The following TMEM192 variants were observed in gnomAD, a reference collection of about 807,000 sequenced individuals.
TMEM192 encodes transmembrane protein 192.
TMEM192 carries 20 observed loss-of-function variants against 26.7 expected under a neutral mutation model. The observed-to-expected ratio is 0.75, with a 90% CI of 0.53 to 1.09. The LOEUF (loss-of-function observed/expected upper bound fraction) is 1.09. Ranked by LOEUF, TMEM192 falls within the 50% of genes least tolerant of loss-of-function variation. The pLI, the probability that TMEM192 is intolerant of heterozygous loss-of-function variation, is 0.00. For synonymous variants in TMEM192, 124 were observed against 121.0 expected (o/e 1.02, Z -0.16); for missense variants, 304 against 322.6 (o/e 0.94, Z 0.44).
At position 165,108,112 on chromosome 4, in the gene TMEM192, C is replaced by CT. The variant is rs755013001; in HGVS notation, c.27+4634dup. Among the ~76,000 whole-genome samples, 36 of 91,198 alleles carry CT rather than the reference C, an allele frequency of 3.9e-4. 3 individuals are homozygous for CT. Among genetic ancestry groups the CT allele is most frequent in the African/African-American group, 1.7e-3 (32 of 19,168 alleles). 59.8% of individuals were successfully genotyped at this position (91,198 alleles called of 152,430 possible). On this transcript the variant is annotated intron_variant, in intron 1 of 5. Coordinates refer to ENST00000306480, the MANE Select transcript of TMEM192 (RefSeq NM_001100389.2). ...GGGTGCTGGGTATTTTCTGTATTCCCTTTTTTTTTTTTTTTTTTTTTTTTT... is the reference window on the plus strand; with the variant it reads ...GGGTGCTGGGTATTTTCTGTATTCCCTTTTTTTTTTTTTTTTTTTTTTTTTT...
At chr4:165,086,825 C>A (rs1321166521) in intron 4 of TMEM192, among the ~76,000 whole-genome samples, 1 of 151,676 alleles carries the variant, frequency 6.6e-6, no homozygotes, top group Non-Finnish European at 1.5e-5. Flanking sequence ...TCAAGGAGAA[C>A]CTTTCAGGCT....
rs1353495563 is a variant in TMEM192 at position 165,100,784 on chromosome 4, C to G, written c.283G>C (p.Val95Leu). 4.3e-6 allele frequency: 7 copies of G among 1,613,940 alleles called. No homozygotes were observed. The African/African-American group carries it at 9.3e-5, about 22-fold the overall frequency. The change falls in exon 3 of 6, where the codon GTT becomes CTT. Residue 95 changes from valine to leucine, a missense_variant. Val to Leu is a conservative substitution (Grantham distance 32, BLOSUM62 1). Coordinates refer to ENST00000306480, the MANE Select transcript of TMEM192 (RefSeq NM_001100389.2). ...AAAATAACTTTCCCAAGGATTATAACCGTCTGAACTTTCAATGGGTTTGTG... is the reference window on the plus strand; with the variant it reads ...AAAATAACTTTCCCAAGGATTATAAGCGTCTGAACTTTCAATGGGTTTGTG... Reference protein sequence around the residue: ...NYTNPLKVQTVIILGKVILWI... With the variant: ...NYTNPLKVQTLIILGKVILWI...
Position 165,107,358 on chromosome 4 carries a change from A to C in TMEM192, c.28-4262T>G, listed in dbSNP as rs1735187310. On this transcript the variant is annotated intron_variant, in intron 1 of 5. Coordinates refer to ENST00000306480, the MANE Select transcript of TMEM192 (RefSeq NM_001100389.2). ...AACAAAAACAAAAACAAAAAAAAAA[A>C]CAGGGTCTCACTCTGTCACCCAGGC... 2.0e-5 allele frequency among the ~76,000 whole-genome samples: 3 copies of C among 150,320 alleles called. No homozygotes were observed. The South Asian group carries it at 6.3e-4, about 32-fold the overall frequency.
chr4:165,076,295 C>T lies in TMEM192; in HGVS notation c.*3363G>A, dbSNP rs1560922776. ...TTCAGGGCCATATCTTTCTGCCACA[C>T]ATATTTCCTCCATATTGAACTACCA... On this transcript the variant is annotated 3_prime_UTR_variant, in exon 6 of 6. Coordinates refer to ENST00000306480, the MANE Select transcript of TMEM192 (RefSeq NM_001100389.2). The T allele has an allele frequency of 6.6e-6, 1 of 152,144 alleles. No homozygotes were observed. The highest frequency in any genetic ancestry group is 2.4e-5 in the African/African-American group (1 of 41,416). The allele number at this position is 152,144 out of a possible 1,614,324, so 9.4% of individuals were successfully genotyped here. A position where few individuals can be genotyped will look rare whatever the true frequency, so the allele number is the denominator to read the frequency against.
intron 1 of TMEM192, among the ~76,000 whole-genome samples, chr4:165,107,428 C>T (rs1160260085): frequency 2.6e-5 from 4 of 152,192 alleles, no homozygotes; most frequent in Admixed American, 6.5e-5. Flanking sequence ...CCTCCGTGCC[C>T]CCCTCCCCAG....
At position 165,071,281 on chromosome 4, in the gene TMEM192, AGTG is replaced by A. The variant is rs1395207456; in HGVS notation, c.*8374_*8376del. ...CCCAGCTACTCAGGAGGCTGACTGA[AGTG>A]GGAGGATTTTTTTTTTTTGGGGGGG... On this transcript the variant is annotated 3_prime_UTR_variant, in exon 6 of 6. Transcript: ENST00000306480. 12 of 151,568 alleles carry A rather than the reference AGTG, an allele frequency of 7.9e-5. No individual in the cohort carries two copies. Among genetic ancestry groups the A allele is most frequent in the African/African-American group, 2.9e-4 (12 of 41,254 alleles). The allele number at this position is 151,568 out of a possible 1,614,324, so 9.4% of individuals were successfully genotyped here. A position where few individuals can be genotyped will look rare whatever the true frequency, so the allele number is the denominator to read the frequency against.
intron 3 of TMEM192, among the ~76,000 whole-genome samples, chr4:165,097,057 G>T (rs946766587): frequency 1.3e-5 from 2 of 152,016 alleles, no homozygotes; most frequent in African/African-American, 4.8e-5. Flanking sequence ...TCTCACAAGA[G>T]GCAGGGAGCA....
chr4:165,109,748 C>G (rs1247624674), intron 1 of TMEM192, among the ~76,000 whole-genome samples: 2 of 152,222 alleles, frequency 1.3e-5, no homozygotes, highest in African/African-American at 4.8e-5. Context: ...ATGTCACTTT[C>G]ATGCACCTTC....
rs1734374529 is a variant in TMEM192 at position 165,076,121 on chromosome 4, C to A, written c.*3537G>T. ...TTTTGCTTTATATTTTTCCATATTG[C>A]CATTTTTTAAAAAATGAGCTTTTAA... On this transcript the variant is annotated 3_prime_UTR_variant, in exon 6 of 6. Coordinates refer to ENST00000306480, the MANE Select transcript of TMEM192 (RefSeq NM_001100389.2). The A allele has an allele frequency of 6.6e-6, 1 of 151,804 alleles. No individual in the cohort carries two copies. Among genetic ancestry groups the A allele is most frequent in the South Asian group, 2.1e-4 (1 of 4,812 alleles). The allele number at this position is 151,804 out of a possible 1,614,324, so 9.4% of individuals were successfully genotyped here. A position where few individuals can be genotyped will look rare whatever the true frequency, so the allele number is the denominator to read the frequency against.
intron 3 of TMEM192, among the ~76,000 whole-genome samples, chr4:165,092,364 C>T (rs778903152): frequency 3.3e-5 from 5 of 151,986 alleles, no homozygotes; most frequent in Non-Finnish European, 7.4e-5. Flanking sequence ...GCAAGTGATC[C>T]GCGAGCCTCG....
chr4:165,089,825 A>G (rs1734712399), intron 3 of TMEM192, among the ~76,000 whole-genome samples: 1 of 152,164 alleles, frequency 6.6e-6, no homozygotes, highest in Non-Finnish European at 1.5e-5. Flanking sequence ...CAGCATGCCA[A>G]AGCCCTGCAC....
At chr4:165,085,710 T>C in intron 4 of TMEM192, 22 bp from the exon 5 acceptor site, 1 of 1,500,974 alleles carries the variant, frequency 6.7e-7, no homozygotes, top group Non-Finnish European at 9.1e-7. Context: ...AAGTCATTAT[T>C]AGATCGAATT....
At chr4:165,093,514 T>C (rs1734819742) in intron 3 of TMEM192, among the ~76,000 whole-genome samples, 1 of 152,176 alleles carries the variant, frequency 6.6e-6, no homozygotes, top group South Asian at 2.1e-4. Flanking sequence ...TACTAGCAAG[T>C]TTGCAGTCTG....
At chr4:165,105,218 C>T (rs1335173563) in intron 1 of TMEM192, among the ~76,000 whole-genome samples, 1 of 152,210 alleles carries the variant, frequency 6.6e-6, no homozygotes, top group African/African-American at 2.4e-5. Context: ...AACACTATCT[C>T]ATGGTTGTCA....
At position 165,075,294 on chromosome 4, in the gene TMEM192, G is replaced by C. The variant is rs1476571678; in HGVS notation, c.*4364C>G. 1 of 151,210 alleles carries C rather than the reference G, an allele frequency of 6.6e-6. No homozygotes were observed. Among genetic ancestry groups the C allele is most frequent in the Non-Finnish European group, 1.5e-5 (1 of 67,824 alleles). The allele number at this position is 151,210 out of a possible 1,614,324, so 9.4% of individuals were successfully genotyped here. ...CTCGCTCTGCTCTGTCGCCAGGCTG[G>C]AGTGCAGTGGCACCATCTTGGTTCA... On this transcript the variant is annotated 3_prime_UTR_variant, in exon 6 of 6. Transcript: ENST00000306480.
At position 165,071,724 on chromosome 4, in the gene TMEM192, G is replaced by A. The variant is rs1331433853; in HGVS notation, c.*7934C>T. 3.3e-5 allele frequency: 5 copies of A among 152,342 alleles called. No homozygotes were observed. Among genetic ancestry groups the A allele is most frequent in the Middle Eastern group, 3.4e-3 (1 of 296 alleles). The allele number at this position is 152,342 out of a possible 1,614,324, so 9.4% of individuals were successfully genotyped here. A position where few individuals can be genotyped will look rare whatever the true frequency, so the allele number is the denominator to read the frequency against. On this transcript the variant is annotated 3_prime_UTR_variant, in exon 6 of 6. Coordinates refer to ENST00000306480, the MANE Select transcript of TMEM192 (RefSeq NM_001100389.2). ...ATCCAAAAGCCACAGTGTGACCGACGCAGGGTACACAAAGGAAGAGTAGGA... is the reference window on the plus strand; with the variant it reads ...ATCCAAAAGCCACAGTGTGACCGACACAGGGTACACAAAGGAAGAGTAGGA...
intron 5 of TMEM192, 135 bp downstream of exon 5, chr4:165,085,451 C>T (rs975770169): frequency 1.6e-6 from 1 of 641,700 alleles, no homozygotes; most frequent in African/African-American, 1.8e-5. Flanking sequence ...CTTGATTTCA[C>T]CACAGCTGAA....
intron 5 of TMEM192, among the ~76,000 whole-genome samples, chr4:165,084,111 G>A (rs1047737061): frequency 7.3e-5 from 11 of 151,584 alleles, no homozygotes; most frequent in Admixed American, 4.0e-4. Context: ...ATGAGCCACC[G>A]CGCCCAGTCA....
intron 5 of TMEM192, among the ~76,000 whole-genome samples, chr4:165,084,596 CA>C (rs1446666058): frequency 6.6e-6 from 1 of 151,774 alleles, no homozygotes; most frequent in African/African-American, 2.4e-5. Context: ...TATATAGATC[CA>C]AAAGCAGGAT....
Sources: allele counts gnomAD v4.1 joint callset (sites outside exome capture counted in the v4.1 genomes callset), GRCh38; gene constraint gnomAD v4.1.1; transcripts MANE v1.5; gene names NCBI Gene and HGNC (gene_info 2026-07-23, HGNC 2026-07-21).